ATG5: variants seen among roughly 807,000 people sequenced by gnomAD.
ATG5 encodes autophagy protein 5.
Under a neutral mutation model 36.5 loss-of-function variants are expected in ATG5, and 14 were observed. The observed-to-expected ratio is 0.38, with a 90% CI of 0.25 to 0.60. The LOEUF (loss-of-function observed/expected upper bound fraction) is 0.60. Ranked by LOEUF, ATG5 falls within the 20% of genes least tolerant of loss-of-function variation. ATG5 has a pLI of 0.60. For missense variants in ATG5, 195 were observed against 326.7 expected (o/e 0.60, Z 3.11); for synonymous variants, 95 against 101.5 (o/e 0.94, Z 0.38).
chr6:106,239,470 G>A (rs566848698), intron 6 of ATG5, among the ~76,000 whole-genome samples: 1 of 152,080 alleles, frequency 6.6e-6, no homozygotes, highest in African/African-American at 2.4e-5. Context: ...ATGGGGAACT[G>A]AATAAGTGAT....
chr6:106,202,043 G>A lies in ATG5; in HGVS notation c.620C>T (p.Ala207Val), dbSNP rs777898330. ...PFIQKLFRPV[A>V]ADGQLHTLGD... is the part of the protein sequence containing the mutation. ...TAGTGTGTGCAACTGTCCATCTGCA[G>A]CCACAGGACGAAACAGCTTCTGAAT... Residue 207 changes from alanine (A) to valine (V), a missense_variant, in exon 7 of 8, where the codon GCT becomes GTT. Transcript: ENST00000369076. 6.2e-7 allele frequency: 1 copy of A among 1,614,038 alleles called. No individual in the cohort carries two copies. Among genetic ancestry groups the A allele is most frequent in the African/African-American group, 1.3e-5 (1 of 75,068 alleles).
chr6:106,249,337 G>A (rs2114517126), intron 5 of ATG5, among the ~76,000 whole-genome samples: 1 of 152,188 alleles, frequency 6.6e-6, no homozygotes, highest in African/African-American at 2.4e-5. Flanking sequence ...TCATATAAAT[G>A]AAGTAATATA....
chr6:106,222,459 A>G lies in ATG5; in HGVS notation c.574-20370T>C, dbSNP rs78363892. On this transcript the variant is annotated intron_variant, in intron 6 of 7. Coordinates refer to ENST00000369076, the MANE Select transcript of ATG5 (RefSeq NM_004849.4). ...AAATTCCAGAATTTTAGCTGTTTCAATCTCTTCATATTAAGGGGAGAACAT... is the reference window on the plus strand; with the variant it reads ...AAATTCCAGAATTTTAGCTGTTTCAGTCTCTTCATATTAAGGGGAGAACAT... Among the ~76,000 whole-genome samples, 944 of 152,286 alleles carry G rather than the reference A, an allele frequency of 6.2e-3. 11 individuals are homozygous for G. Among genetic ancestry groups the G allele is most frequent in the African/African-American group, 0.021 (884 of 41,548 alleles).
chr6:106,230,319 T>C (rs986449055), intron 6 of ATG5, among the ~76,000 whole-genome samples: 5 of 152,218 alleles, frequency 3.3e-5, no homozygotes, highest in African/African-American at 4.8e-5. Context: ...AACTGTTGTT[T>C]ATGGGAATGC....
At chr6:106,230,764 C>T (rs1227850786) in intron 6 of ATG5, among the ~76,000 whole-genome samples, 1 of 152,086 alleles carries the variant, frequency 6.6e-6, no homozygotes, top group Non-Finnish European at 1.5e-5. Flanking sequence ...TATTCTTCTG[C>T]AGTACCGCCT....
chr6:106,308,014 A>G (rs1770512956), intron 3 of ATG5, among the ~76,000 whole-genome samples: 1 of 151,886 alleles, frequency 6.6e-6, no homozygotes, highest in Admixed American at 6.6e-5. Context: ...TAAAGATGTT[A>G]TAAATATTTT....
chr6:106,287,030 T>C (rs1282888507), intron 4 of ATG5, among the ~76,000 whole-genome samples: 1 of 152,168 alleles, frequency 6.6e-6, no homozygotes, highest in East Asian at 1.9e-4. Context: ...TTTAAGCTGG[T>C]GGTAATTTGT....
intron 7 of ATG5, among the ~76,000 whole-genome samples, chr6:106,188,805 A>G (rs1376307376): frequency 2.0e-5 from 3 of 152,238 alleles, no homozygotes; most frequent in Non-Finnish European, 4.4e-5. Flanking sequence ...CTAAGGAAAG[A>G]ATCTAAGACT....
chr6:106,264,607 T>C (rs1487734364), intron 5 of ATG5, among the ~76,000 whole-genome samples: 1 of 152,116 alleles, frequency 6.6e-6, no homozygotes, highest in Non-Finnish European at 1.5e-5. Context: ...TTAGGTTTCC[T>C]ACAAGGGGAA....
At chr6:106,190,628 T>G (rs536459972) in intron 7 of ATG5, among the ~76,000 whole-genome samples, 1 of 152,252 alleles carries the variant, frequency 6.6e-6, no homozygotes, top group Non-Finnish European at 1.5e-5. Flanking sequence ...CACAAAGCAC[T>G]TTTAGAAACC....
intron 4 of ATG5, among the ~76,000 whole-genome samples, chr6:106,288,367 A>C (rs571399878): frequency 1.8e-4 from 27 of 152,182 alleles, no homozygotes; most frequent in Admixed American, 3.3e-4. Context: ...CAAGTTTAGG[A>C]ATCAAAATGT....
At chr6:106,282,632 T>C (rs1055493010) in intron 4 of ATG5, among the ~76,000 whole-genome samples, 1 of 152,252 alleles carries the variant, frequency 6.6e-6, no homozygotes, top group African/African-American at 2.4e-5. Flanking sequence ...ACTTTAACTG[T>C]AGGCTTTTCA....
chr6:106,188,130 A>G (rs1360827054), intron 7 of ATG5, among the ~76,000 whole-genome samples: 1 of 152,216 alleles, frequency 6.6e-6, no homozygotes, highest in Non-Finnish European at 1.5e-5. Context: ...AGCTATATAC[A>G]GAATACTATA....
intron 5 of ATG5, among the ~76,000 whole-genome samples, chr6:106,256,619 C>A (rs9486311): frequency 0.17 from 26,470 of 152,102 alleles, 2,718 homozygotes; most frequent in African/African-American, 0.28. Context: ...GATTACTACA[C>A]AACTAGGCTA....
At chr6:106,293,334 C>T (rs562656558) in intron 3 of ATG5, among the ~76,000 whole-genome samples, 11 of 152,258 alleles carry the variant, frequency 7.2e-5, no homozygotes, top group African/African-American at 2.6e-4. Context: ...TCAATATGCA[C>T]AATAGGATTG....
intron 3 of ATG5, among the ~76,000 whole-genome samples, chr6:106,303,397 T>C (rs567341586): frequency 6.6e-6 from 1 of 152,182 alleles, no homozygotes; most frequent in South Asian, 2.1e-4. Flanking sequence ...GATCTATATA[T>C]ATCAAAGAAA....
At chr6:106,316,336 T>C (rs185306016) in intron 1 of ATG5, 70 bp from the exon 2 acceptor site, 1 of 525,512 alleles carries the variant, frequency 1.9e-6, no homozygotes, top group Admixed American at 4.0e-5. Context: ...AAACAAAAGA[T>C]TATTTTAAAA....
At chr6:106,238,249 C>A (rs1777974974) in intron 6 of ATG5, among the ~76,000 whole-genome samples, 1 of 152,170 alleles carries the variant, frequency 6.6e-6, no homozygotes, top group Admixed American at 6.5e-5. Flanking sequence ...TGGCTCACCA[C>A]AATCTCCACC....
At chr6:106,308,562 T>C (rs529298038) in intron 2 of ATG5, 71 bp from the exon 3 acceptor site, 1 of 1,243,172 alleles carries the variant, frequency 8.0e-7, no homozygotes, top group South Asian at 1.8e-5. Flanking sequence ...AGTAGGTTTT[T>C]GAATTTTAAG....
Sources: gnomAD v4.1 joint callset for allele counts (sites outside exome capture counted in the v4.1 genomes callset) on GRCh38, gnomAD v4.1.1 for gene constraint, MANE v1.5 for transcripts, NCBI Gene and HGNC (gene_info 2026-07-23, HGNC 2026-07-21) for gene names.